The following ZFPM1 variants were observed in gnomAD, a reference collection of about 807,000 sequenced individuals.
ZFPM1 encodes zinc finger protein, FOG family member 1, also known as zinc finger protein ZFPM1.
In ZFPM1, 28 loss-of-function variants were observed where a neutral mutation model predicts 46.3. That is an observed-to-expected ratio of 0.60 (90% CI 0.45 to 0.83). The LOEUF (loss-of-function observed/expected upper bound fraction) is 0.83. Ranked by LOEUF, ZFPM1 falls within the 40% of genes least tolerant of loss-of-function variation. The pLI, the probability that ZFPM1 is intolerant of heterozygous loss-of-function variation, is 0.00. For missense variants in ZFPM1, 1,878 were observed against 1,432.4 expected (o/e 1.31, Z -5.02); for synonymous variants, 957 against 675.9 (o/e 1.42, Z -6.45).
chr16:88,487,679 C>T (rs1449401777), intron 2 of ZFPM1, among the ~76,000 whole-genome samples: 2 of 152,172 alleles, frequency 1.3e-5, no homozygotes, highest in Non-Finnish European at 2.9e-5. Flanking sequence ...AGGGTCCCCG[C>T]TGGGTGGGCC....
intron 4 of ZFPM1, chr16:88,516,539 A>G (rs1911309943): frequency 2.5e-6 from 1 of 398,548 alleles, no homozygotes; most frequent in Non-Finnish European, 4.4e-6. Flanking sequence ...TAAATCCTTG[A>G]TTAACCCTTA....
At position 88,522,434 on chromosome 16, in the gene ZFPM1, C is replaced by G. The variant is rs80121252; in HGVS notation, c.403-4380C>G. On this transcript the variant is annotated intron_variant, in intron 4 of 9. Coordinates refer to ENST00000319555, the MANE Select transcript of ZFPM1 (RefSeq NM_153813.3). ...TGCTGGCCCACTACCCCGCAGTGTC[C>G]TGGGGATGACCAAGCAGCCCCACGG... is the stretch of plus-strand genomic sequence containing the variant. Among the ~76,000 whole-genome samples the G allele has an allele frequency of 5.9e-5, 9 of 152,350 alleles. No individual in the cohort carries two copies. The East Asian group carries it at 1.7e-3, about 29-fold the overall frequency.
Position 88,480,403 on chromosome 16 carries a change from G to C in ZFPM1, c.41-5536G>C, listed in dbSNP as rs1165567742. Among the ~76,000 whole-genome samples, 2 of 152,196 alleles carry C rather than the reference G, an allele frequency of 1.3e-5. No individual in the cohort carries two copies. The highest frequency in any genetic ancestry group is 2.9e-5 in the Non-Finnish European group (2 of 68,042). ...GGAAGAAGTGAGTGTGTGAGGGGAC[G>C]GGTGAGTGAGGGAGCGGATGAAAGA... On this transcript the variant is annotated intron_variant, in intron 1 of 9. Coordinates refer to ENST00000319555, the MANE Select transcript of ZFPM1 (RefSeq NM_153813.3). The surrounding 1 kb of genome is among the most constrained non-coding windows in gnomAD (Gnocchi z 4.9).
intron 3 of ZFPM1, among the ~76,000 whole-genome samples, chr16:88,509,146 G>A (rs1243244935): frequency 6.6e-6 from 1 of 152,244 alleles, no homozygotes; most frequent in Non-Finnish European, 1.5e-5. Flanking sequence ...CTCACCGCCA[G>A]TCCGCTGACC....
intron 3 of ZFPM1, among the ~76,000 whole-genome samples, chr16:88,489,510 G>A (rs117193810): frequency 1.9e-3 from 284 of 152,314 alleles, no homozygotes; most frequent in Middle Eastern, 3.4e-3. Flanking sequence ...TGAGCTGCCC[G>A]GGCCCGTGGC....
chr16:88,487,856 A>G lies in ZFPM1; in HGVS notation c.146-1175A>G, dbSNP rs112184560. On this transcript the variant is annotated intron_variant, in intron 2 of 9. Transcript: ENST00000319555. Reference sequence around the variant, plus strand: ...CCCCTAGCTCACCCAGGGACATCCCAGCCCCAGGACGGCCAGGCCAGGTGC... The same window carrying G: ...CCCCTAGCTCACCCAGGGACATCCCGGCCCCAGGACGGCCAGGCCAGGTGC... 7.4e-3 allele frequency among the ~76,000 whole-genome samples: 1,130 copies of G among 152,274 alleles called. 12 individuals carry two copies. The highest frequency in any genetic ancestry group is 0.026 in the African/African-American group (1,060 of 41,554).
At chr16:88,523,440 G>A (rs552371371) in intron 4 of ZFPM1, among the ~76,000 whole-genome samples, 27 of 152,324 alleles carry the variant, frequency 1.8e-4, no homozygotes, top group African/African-American at 4.1e-4. Flanking sequence ...TCCTGGCCGC[G>A]GCCCCAGCAG....
chr16:88,503,344 G>GGGA (rs1910478885), intron 3 of ZFPM1, among the ~76,000 whole-genome samples: 1 of 144,832 alleles, frequency 6.9e-6, no homozygotes, highest in South Asian at 2.4e-4. Flanking sequence ...TCTGTGTCTG[G>GGGA]GGGGCCCACG....
In ZFPM1 at chr16:88,534,528, C is replaced by T; in HGVS notation, c.2570C>T (p.Pro857Leu). Reference protein sequence around the residue: ...GALGLPAAACPYCPPNGPVRG... With the variant: ...GALGLPAAACLYCPPNGPVRG... ...CTCGGCCTGCCCGCCGCCGCCTGCC[C>T]CTACTGCCCCCCGAACGGCCCGGTG... is the stretch of plus-strand genomic sequence containing the variant. Residue 857 changes from proline (P) to leucine (L), a missense_variant, in exon 10 of 10, where the codon CCC (proline) becomes CTC (leucine). Physicochemically the swap from Pro to Leu is moderately conservative, Grantham distance 98. Transcript: ENST00000319555. 3 of 1,416,872 alleles carry T rather than the reference C, an allele frequency of 2.1e-6. No homozygotes were observed. In the South Asian group the frequency reaches 4.2e-5, roughly 20 times the overall value. The allele number at this position is 1,416,872 out of a possible 1,614,324, so 87.8% of individuals were successfully genotyped here.
intron 4 of ZFPM1, among the ~76,000 whole-genome samples, chr16:88,519,435 G>A (rs967839962): frequency 2.0e-5 from 3 of 151,294 alleles, no homozygotes; most frequent in Admixed American, 2.0e-4. Flanking sequence ...ATGGATGGAT[G>A]GATAGATGCA....
At chr16:88,498,116 C>A (rs1910043119) in intron 3 of ZFPM1, among the ~76,000 whole-genome samples, 1 of 152,162 alleles carries the variant, frequency 6.6e-6, no homozygotes, top group Non-Finnish European at 1.5e-5. Flanking sequence ...CTGGGGTCAG[C>A]TCCAGAGACC....
rs142881905 is a variant in ZFPM1, at chr16:88,511,439, C to T, written c.269-2948C>T. ...GGGTGCCACTGTCTGGATCCCCCAG[C>T]CATTTCAGAGGCCATTTAAAAAAAC... On this transcript the variant is annotated intron_variant, in intron 3 of 9. Coordinates refer to ENST00000319555, the MANE Select transcript of ZFPM1 (RefSeq NM_153813.3). Among the ~76,000 whole-genome samples the T allele has an allele frequency of 5.3e-5, 8 of 152,268 alleles. No homozygotes were observed. The East Asian group carries it at 1.5e-3, about 29-fold the overall frequency.
At chr16:88,466,153 C>G (rs955451324) in intron 1 of ZFPM1, among the ~76,000 whole-genome samples, 3 of 152,118 alleles carry the variant, frequency 2.0e-5, no homozygotes, top group African/African-American at 7.2e-5. Context: ...CCTCTGGGAA[C>G]CCAAAGGCAG....
chr16:88,522,763 G>A (rs1204107421), intron 4 of ZFPM1, among the ~76,000 whole-genome samples: 1 of 152,198 alleles, frequency 6.6e-6, no homozygotes, highest in Non-Finnish European at 1.5e-5. Flanking sequence ...GGCAAACAGG[G>A]TGGGCTCTAG....
intron 3 of ZFPM1, among the ~76,000 whole-genome samples, chr16:88,502,006 C>T (rs1167825112): frequency 6.6e-6 from 1 of 151,914 alleles, no homozygotes; most frequent in Non-Finnish European, 1.5e-5. Context: ...CGCCCCAACC[C>T]ATGGTTTAAC....
chr16:88,527,181 C>T (rs895749645), intron 5 of ZFPM1, among the ~76,000 whole-genome samples: 3 of 152,148 alleles, frequency 2.0e-5, no homozygotes, highest in Admixed American at 6.5e-5. Context: ...AGGATTCTGC[C>T]CCTCTGGGGG....
At chr16:88,488,035 C>T (rs1366279816) in intron 2 of ZFPM1, among the ~76,000 whole-genome samples, 1 of 152,224 alleles carries the variant, frequency 6.6e-6, no homozygotes, top group East Asian at 1.9e-4. Flanking sequence ...CTCGCGGAGC[C>T]TCCGTTACTG....
chr16:88,490,052 T>A (rs1446951219), intron 3 of ZFPM1, among the ~76,000 whole-genome samples: 2 of 151,260 alleles, frequency 1.3e-5, no homozygotes, highest in Admixed American at 1.3e-4. Context: ...AGCAAGTATT[T>A]ATTATTTTTT....
In ZFPM1 at chr16:88,500,302, C is replaced by CCAGCTCCCCCCATGAGCTGGTGGCCTCGT. The variant is rs560529833; in HGVS notation, c.268+11153_268+11181dup. The stretch of plus-strand genomic sequence containing the variant: ...GCCTGCCGCATGGCCGGGGACACAG[C>CCAGCTCCCCCCATGAGCTGGTGGCCTCGT]CAGCTCCCCCCATGAGCTGGTGGCC... On this transcript the variant is annotated intron_variant, in intron 3 of 9. Coordinates refer to ENST00000319555, the MANE Select transcript of ZFPM1 (RefSeq NM_153813.3). Among the ~76,000 whole-genome samples, 22 of 152,372 alleles carry CCAGCTCCCCCCATGAGCTGGTGGCCTCGT rather than the reference C, an allele frequency of 1.4e-4. No homozygotes were observed. The South Asian group carries it at 4.6e-3, about 32-fold the overall frequency.
Sources: allele counts gnomAD v4.1 joint callset (sites outside exome capture counted in the v4.1 genomes callset), GRCh38; gene constraint gnomAD v4.1.1; non-coding constraint Gnocchi (gnomAD v3.1); transcripts MANE v1.5; gene names NCBI Gene and HGNC (gene_info 2026-07-23, HGNC 2026-07-21).